ZNF564: variants seen among roughly 807,000 people sequenced by gnomAD.
ZNF564 encodes zinc finger protein 564.
In ZNF564, 5 loss-of-function variants were observed where a neutral mutation model predicts 10.5. The ratio of observed to expected loss-of-function variants is 0.48; its 90% CI spans 0.25 to 1.00. The LOEUF (loss-of-function observed/expected upper bound fraction) is 1.00. Among genes scored for constraint, ZNF564 ranks in the 50% least tolerant of loss-of-function variants. The probability of loss-of-function intolerance (pLI) is 0.16; values close to 1 mark genes in which losing one functional copy is unlikely to be tolerated. For synonymous variants in ZNF564, 242 were observed against 218.1 expected (o/e 1.11, Z -0.97); for missense variants, 603 against 669.7 (o/e 0.90, Z 1.10).
chr19:12,550,991 C>T (rs548051567), intron 1 of ZNF564, among the ~76,000 whole-genome samples: 2 of 152,372 alleles, frequency 1.3e-5, no homozygotes, highest in Admixed American at 6.5e-5. Context: ...TTCCCATGCA[C>T]GAACCGCACA....
At chr19:12,531,831 A>C (rs1424258865) in intron 1 of ZNF564, among the ~76,000 whole-genome samples, 1 of 152,228 alleles carries the variant, frequency 6.6e-6, no homozygotes, top group Non-Finnish European at 1.5e-5. Context: ...CAACTGTATC[A>C]ATAATCACTT....
chr19:12,541,140 C>G (rs912368612), intron 1 of ZNF564, among the ~76,000 whole-genome samples: 3 of 149,262 alleles, frequency 2.0e-5, no homozygotes, highest in African/African-American at 7.4e-5. Context: ...GTTCCAGCTA[C>G]TCAAGAGGCT....
chr19:12,527,119 G>A lies in ZNF564; in HGVS notation c.989C>T (p.Thr330Ile). Residue 330 changes from threonine (T) to isoleucine (I), a missense_variant, in exon 4 of 4, where the codon ACT (threonine) becomes ATT (isoleucine). Coordinates refer to ENST00000339282, the MANE Select transcript of ZNF564 (RefSeq NM_144976.4). The stretch of plus-strand genomic sequence containing the variant: ...TTCATAGGGTTTCTCCCCAGTATGA[G>A]TTCTTTCATGCTTTCGAACATAACT... ...FPSYVRKHER[T>I]HTGEKPYECN... 1 of 1,614,086 alleles carries A rather than the reference G, an allele frequency of 6.2e-7. No homozygotes were observed. The highest frequency in any genetic ancestry group is 8.5e-7 in the Non-Finnish European group (1 of 1,180,012).
At chr19:12,535,191 G>A (rs1218401076) in intron 1 of ZNF564, among the ~76,000 whole-genome samples, 2 of 151,724 alleles carry the variant, frequency 1.3e-5, no homozygotes, top group South Asian at 2.1e-4. Flanking sequence ...CTGACCAAAC[G>A]GTGAAACCTC....
chr19:12,549,479 TTC>T (rs1480119541), intron 1 of ZNF564, among the ~76,000 whole-genome samples: 1 of 152,172 alleles, frequency 6.6e-6, no homozygotes, highest in Non-Finnish European at 1.5e-5. Context: ...AACTTTCAGG[TTC>T]TCGCACCATT....
intron 1 of ZNF564, among the ~76,000 whole-genome samples, chr19:12,538,394 G>A (rs574296636): frequency 1.1e-4 from 16 of 152,006 alleles, no homozygotes; most frequent in Non-Finnish European, 1.5e-4. Flanking sequence ...GGGAGGCCAA[G>A]GTGGGTGGAT....
chr19:12,544,267 T>C (rs1352602359), intron 1 of ZNF564, among the ~76,000 whole-genome samples: 1 of 151,382 alleles, frequency 6.6e-6, no homozygotes, highest in Admixed American at 6.6e-5. Flanking sequence ...TGTGAACCTA[T>C]GACAGAGCAG....
intron 1 of ZNF564, among the ~76,000 whole-genome samples, chr19:12,534,295 A>G (rs1408358447): frequency 6.6e-6 from 1 of 152,250 alleles, no homozygotes; most frequent in Non-Finnish European, 1.5e-5. Context: ...TATATAAAAT[A>G]TATAGATGGC....
At chr19:12,529,100 C>A (rs769755506) in intron 1 of ZNF564, among the ~76,000 whole-genome samples, 10 of 152,012 alleles carry the variant, frequency 6.6e-5, no homozygotes, top group Non-Finnish European at 1.2e-4. Context: ...AAAAAGTCGA[C>A]AAAACGATGT....
chr19:12,540,485 T>G (rs1413640388), intron 1 of ZNF564, among the ~76,000 whole-genome samples: 1 of 152,110 alleles, frequency 6.6e-6, no homozygotes, highest in Non-Finnish European at 1.5e-5. Flanking sequence ...TTTGGGAGGC[T>G]GAGGCGGACA....
At position 12,528,285 on chromosome 19, in the gene ZNF564, T is replaced by A. The variant is rs767248745; in HGVS notation, c.191+19A>T. ...ATACTAAGAAGGAGACATTGCTTTA[T>A]CTTGTCAGTGCAAATTACCTTAAAA... On this transcript the variant is annotated intron_variant, in intron 3 of 3. Coordinates refer to ENST00000339282, the MANE Select transcript of ZNF564 (RefSeq NM_144976.4). 2 of 1,602,426 alleles carry A rather than the reference T, an allele frequency of 1.2e-6. No individual in the cohort carries two copies. The highest frequency in any genetic ancestry group is 1.1e-5 in the South Asian group (1 of 88,954).
chr19:12,546,466 C>A (rs1231895323), intron 1 of ZNF564, among the ~76,000 whole-genome samples: 1 of 152,166 alleles, frequency 6.6e-6, no homozygotes, highest in African/African-American at 2.4e-5. Flanking sequence ...CAGTGGCTCA[C>A]GCCTGTAATC....
intron 1 of ZNF564, among the ~76,000 whole-genome samples, chr19:12,540,381 G>A (rs1182628366): frequency 6.6e-6 from 1 of 152,184 alleles, no homozygotes; most frequent in African/African-American, 2.4e-5. Flanking sequence ...ATAAGTCTCA[G>A]TGTACTCCGA....
chr19:12,549,669 G>A (rs1452949530), intron 1 of ZNF564, among the ~76,000 whole-genome samples: 1 of 152,110 alleles, frequency 6.6e-6, no homozygotes, highest in African/African-American at 2.4e-5. Context: ...AAAGCTGAGC[G>A]TCCCAAAGGG....
chr19:12,535,694 T>G (rs865957550), intron 1 of ZNF564, among the ~76,000 whole-genome samples: 3 of 152,122 alleles, frequency 2.0e-5, no homozygotes, highest in Admixed American at 2.0e-4. Flanking sequence ...CTGTAGTAAA[T>G]GTACCACAGT....
intron 1 of ZNF564, chr19:12,548,817 G>C (rs1424041820): frequency 2.8e-6 from 2 of 702,860 alleles, no homozygotes; most frequent in South Asian, 3.0e-5. Context: ...CCAAAGTCCA[G>C]ATGAAAGGAT....
chr19:12,548,019 C>A (rs1358434257), intron 1 of ZNF564, among the ~76,000 whole-genome samples: 1 of 151,928 alleles, frequency 6.6e-6, no homozygotes, highest in East Asian at 1.9e-4. Context: ...CCATGTTGGT[C>A]AGGCTGGTCT....
chr19:12,539,436 G>A (rs1411302426), intron 1 of ZNF564, among the ~76,000 whole-genome samples: 2 of 149,684 alleles, frequency 1.3e-5, no homozygotes, highest in Admixed American at 1.3e-4. Context: ...GAGGCGGGTG[G>A]ATCACAAGGT....
Position 12,551,352 on chromosome 19 carries a change from C to T in ZNF564, c.-20G>A, listed in dbSNP as rs547034758. 3,807 of 1,603,268 alleles carry T rather than the reference C, an allele frequency of 2.4e-3. 83 individuals carry two copies. The South Asian group carries it at 0.04, about 17-fold the overall frequency. On this transcript the variant is annotated 5_prime_UTR_variant, in exon 1 of 4. Coordinates refer to ENST00000339282, the MANE Select transcript of ZNF564 (RefSeq NM_144976.4). ...CACCATTTCCTGGCTTCCAGGGTGTCCCGGGGTCCTGCCTACGGCTCTCTC... is the reference window on the plus strand; with the variant it reads ...CACCATTTCCTGGCTTCCAGGGTGTTCCGGGGTCCTGCCTACGGCTCTCTC...
Sources: allele counts gnomAD v4.1 joint callset (sites outside exome capture counted in the v4.1 genomes callset), GRCh38; gene constraint gnomAD v4.1.1; transcripts MANE v1.5; gene names NCBI Gene and HGNC (gene_info 2026-07-23, HGNC 2026-07-21).